SLC25A30: variants seen among roughly 807,000 people sequenced by gnomAD.
SLC25A30 encodes solute carrier family 25 member 30.
SLC25A30 carries 29 observed loss-of-function variants against 42.7 expected under a neutral mutation model. The ratio of observed to expected loss-of-function variants is 0.68; its 90% confidence interval spans 0.51 to 0.93. SLC25A30 has a LOEUF of 0.93. Ranked by LOEUF, SLC25A30 falls within the 40% of genes least tolerant of loss-of-function variation. SLC25A30 has a pLI of 0.00. For synonymous variants in SLC25A30, 124 were observed against 131.0 expected, an observed-to-expected ratio of 0.95 and a Z score of 0.37; for missense variants, 300 against 359.7, an observed-to-expected ratio of 0.83 and a Z score of 1.34.
At chr13:45,422,486 T>C (rs1305649797), upstream of SLC25A30, among the ~76,000 whole-genome samples, 1 of 152,148 alleles carries the variant, frequency 6.6e-6, no homozygotes, top group African/African-American at 2.4e-5. Flanking sequence ...CATAAAATTC[T>C]TTATCATTAT....
chr13:45,423,580 AATATATATAAATATAT>A, the SLC25A30 span, among the ~76,000 whole-genome samples: 21 of 64,632 alleles, frequency 3.2e-4, 7 homozygotes, highest in Non-Finnish European at 4.7e-4. Context: ...TATATATAAA[AATATATATAAATATAT>A]ATATATATAA....
At chr13:45,425,590 A>G in the SLC25A30 span, among the ~76,000 whole-genome samples, 1 of 77,540 alleles carries the variant, frequency 1.3e-5, no homozygotes, top group South Asian at 2.9e-4. Context: ...ATATAAATAT[A>G]TATATACATA....
chr13:45,425,777 C>G, the SLC25A30 span, among the ~76,000 whole-genome samples: 4 of 145,636 alleles, frequency 2.7e-5, no homozygotes, highest in Non-Finnish European at 6.0e-5. Context: ...ACTGCCGTCT[C>G]CACCTCCTGA....
At chr13:45,425,745 G>T in the SLC25A30 span, among the ~76,000 whole-genome samples, 44,021 of 138,574 alleles carry the variant, frequency 0.32, 7,961 homozygotes, top group Non-Finnish European at 0.42. Flanking sequence ...CAGGCTGGAG[G>T]GCAGTGGTGG....
chr13:45,408,139 T>C (rs1882688284), intron 3 of SLC25A30, among the ~76,000 whole-genome samples: 1 of 152,196 alleles, frequency 6.6e-6, no homozygotes, highest in African/African-American at 2.4e-5. Context: ...AGAAAGCAGA[T>C]GCCATGAGTG....
intron 5 of SLC25A30, 146 bp downstream of exon 5, chr13:45,404,181 C>G: frequency 1.6e-6 from 1 of 611,660 alleles, no homozygotes; most frequent in Non-Finnish European, 2.9e-6. Context: ...ACCTCATGGA[C>G]CTTTAAAAGT....
At chr13:45,410,468 C>T (rs1882910191) in intron 2 of SLC25A30, among the ~76,000 whole-genome samples, 1 of 152,142 alleles carries the variant, frequency 6.6e-6, no homozygotes. Flanking sequence ...GGAGTCGAGA[C>T]CAGCCTGGGC....
intron 5 of SLC25A30, 53 bp from the exon 6 acceptor site, chr13:45,402,423 C>T: frequency 7.0e-7 from 1 of 1,419,550 alleles, no homozygotes; most frequent in Non-Finnish European, 1.0e-6. Context: ...CAATCCCACC[C>T]ACAACCAATG....
At chr13:45,423,589 A>G in the SLC25A30 span, among the ~76,000 whole-genome samples, 2 of 61,864 alleles carry the variant, frequency 3.2e-5, no homozygotes, top group East Asian at 3.6e-4. Flanking sequence ...AAATATATAT[A>G]AATATATATA....
chr13:45,415,831 G>A (rs1360737972), intron 1 of SLC25A30, among the ~76,000 whole-genome samples: 6 of 123,500 alleles, frequency 4.9e-5, no homozygotes, highest in Admixed American at 9.3e-5. Context: ...ACTGAGTCTC[G>A]CTCTTTCACC....
At chr13:45,428,848 G>T in the SLC25A30 span, among the ~76,000 whole-genome samples, 1 of 116,182 alleles carries the variant, frequency 8.6e-6, no homozygotes, top group East Asian at 2.1e-4. Flanking sequence ...GCCTAATTTG[G>T]GTGGAGAGAG....
In SLC25A30 at chr13:45,399,060, A is replaced by G. The variant is rs1443519138; in HGVS notation, c.633T>C (p.Gly211=). Residue 211 remains glycine, a synonymous_variant, in exon 8 of 10, where the codon GGT becomes GGC. Coordinates refer to ENST00000519676, the MANE Select transcript of SLC25A30 (RefSeq NM_001010875.4). ...GGTTTGAGGCCAGGGCCCCTGCCAG[A>G]CCACAGGTGAAGCTTGAGCTATAAA... is the stretch of plus-strand genomic sequence containing the variant. ...YTHFLSSFTC[G]LAGALASNPV... 1 of 1,609,816 alleles carries G rather than the reference A, an allele frequency of 6.2e-7. No homozygotes were observed. Among genetic ancestry groups the G allele is most frequent in the South Asian group, 1.1e-5 (1 of 90,118 alleles).
Position 45,404,395 on chromosome 13 carries a change from T to G in SLC25A30, c.325A>C (p.Asn109His), listed in dbSNP as rs1882300642. 4 of 1,612,570 alleles carry G rather than the reference T, an allele frequency of 2.5e-6. No individual in the cohort carries two copies. The highest frequency in any genetic ancestry group is 1.6e-4 in the Middle Eastern group (1 of 6,080). ...ERPEDETLPINVICGILSGVI... is the reference protein window; with the variant it reads ...ERPEDETLPIHVICGILSGVI... ...CCAGACAGAATTCCACATATCACAT[T>G]TATCGGTAGAGTTTCATCTGTAAAC... The change falls in exon 5 of 10, where the codon AAT becomes CAT. Residue 109 changes from asparagine to histidine, a missense_variant. Transcript: ENST00000519676.
chr13:45,394,543 AAT>A lies in SLC25A30; in HGVS notation c.*1429_*1430del, dbSNP rs1203482123. ...AGGGGGAACTGAAGAGACCCAAATA[AAT>A]ATGTTCCCTGTCCTGTGGCTGCCTC... is the stretch of plus-strand genomic sequence containing the variant. On this transcript the variant is annotated 3_prime_UTR_variant, in exon 10 of 10. Transcript: ENST00000519676. The A allele has an allele frequency of 1.1e-5, 11 of 984,570 alleles. No homozygotes were observed. Among genetic ancestry groups the A allele is most frequent in the Non-Finnish European group, 1.3e-5 (11 of 829,486 alleles). 61.0% of individuals were successfully genotyped at this position (984,570 alleles called of 1,614,324 possible).
At chr13:45,414,881 A>G (rs1883389775) in intron 1 of SLC25A30, among the ~76,000 whole-genome samples, 1 of 152,150 alleles carries the variant, frequency 6.6e-6, no homozygotes, top group Admixed American at 6.5e-5. Flanking sequence ...AAAAATCCCA[A>G]CTGGATCTAC....
At chr13:45,397,480 CAGG>C in intron 8 of SLC25A30, 142 bp from the exon 9 acceptor site, 2 of 592,972 alleles carry the variant, frequency 3.4e-6, no homozygotes, top group Admixed American at 5.8e-5. Flanking sequence ...ATCACCAGGT[CAGG>C]AGATCAAGAC....
At chr13:45,429,689 G>C in the SLC25A30 span, among the ~76,000 whole-genome samples, 1 of 151,830 alleles carries the variant, frequency 6.6e-6, no homozygotes, top group East Asian at 1.9e-4. Context: ...TTTTTAATTA[G>C]CTGGGCATGG....
chr13:45,424,759 A>AAT, the SLC25A30 span, among the ~76,000 whole-genome samples: 9 of 58,474 alleles, frequency 1.5e-4, 3 homozygotes, highest in African/African-American at 5.4e-4. Flanking sequence ...TATTTATATA[A>AAT]ATATATAAAT....
rs1042352216 is a variant in SLC25A30 at position 45,395,726 on chromosome 13, A to G, written c.*248T>C. 7.2e-7 allele frequency: 1 copy of G among 1,387,590 alleles called. No homozygotes were observed. Among genetic ancestry groups the G allele is most frequent in the East Asian group, 2.7e-5 (1 of 36,970 alleles). 86.0% of individuals were successfully genotyped at this position (1,387,590 alleles called of 1,614,324 possible). A position where few individuals can be genotyped will look rare whatever the true frequency, so the allele number is the denominator to read the frequency against. On this transcript the variant is annotated 3_prime_UTR_variant, in exon 10 of 10. Coordinates refer to ENST00000519676, the MANE Select transcript of SLC25A30 (RefSeq NM_001010875.4). ...GCAAGAAACATGCATTTCACATATT[A>G]TCTTTGATGTTGAAGGGCACTTCAG...
Sources: allele counts gnomAD v4.1 joint callset (sites outside exome capture counted in the v4.1 genomes callset), GRCh38; gene constraint gnomAD v4.1.1; transcripts MANE v1.5; gene names NCBI Gene and HGNC (gene_info 2026-07-23, HGNC 2026-07-21).